Variants in SEMA5B observed in about 807,000 individuals in gnomAD.
SEMA5B encodes semaphorin-5B.
Under a neutral mutation model 135.0 loss-of-function variants are expected in SEMA5B, and 66 were observed. The observed-to-expected ratio is 0.49, with a 90% CI of 0.40 to 0.60. The LOEUF (loss-of-function observed/expected upper bound fraction) is 0.60, where lower values mean the gene tolerates loss of function less well. Ranked by LOEUF, SEMA5B falls within the 20% of genes least tolerant of loss-of-function variation. The pLI is 0.00. For missense variants in SEMA5B, 1,501 were observed against 1,566.3 expected (o/e 0.96, Z 0.70); for synonymous variants, 690 against 639.5 (o/e 1.08, Z -1.19).
At chr3:123,026,469 G>A (rs951548749) in intron 1 of SEMA5B, among the ~76,000 whole-genome samples, 4 of 152,054 alleles carry the variant, frequency 2.6e-5, no homozygotes, top group Non-Finnish European at 5.9e-5. Flanking sequence ...CGGGGAGGAG[G>A]GGGCCAGAAC....
chr3:122,974,446 C>T (rs1941241155), intron 1 of SEMA5B, among the ~76,000 whole-genome samples: 1 of 152,260 alleles, frequency 6.6e-6, no homozygotes, highest in African/African-American at 2.4e-5. Flanking sequence ...AGCTTCTTTG[C>T]AGGTGCAATG....
intron 1 of SEMA5B, among the ~76,000 whole-genome samples, chr3:122,981,411 T>C (rs188338881): frequency 1.4e-3 from 214 of 152,340 alleles, no homozygotes; most frequent in Non-Finnish European, 2.3e-3. Context: ...TTGGTTCATG[T>C]GTGGCCAGGC....
At chr3:122,953,943 C>A (rs1362811277) in intron 2 of SEMA5B, among the ~76,000 whole-genome samples, 3 of 152,228 alleles carry the variant, frequency 2.0e-5, no homozygotes, top group Non-Finnish European at 4.4e-5. Flanking sequence ...TCAAAACAGA[C>A]AATTCAGGTC....
rs749155095 is a variant in SEMA5B, at chr3:122,913,827, G to C, written c.2132+31C>G. 4 of 1,580,286 alleles carry C rather than the reference G, an allele frequency of 2.5e-6. No individual in the cohort carries two copies. The South Asian group carries it at 3.5e-5, about 14-fold the overall frequency. Reference sequence around the variant, plus strand: ...ACTTTCTGGGGGGCCCGGTTAGTCTGGGACCTCAGAGCAAGCCTGTTCTCC... The same window carrying C: ...ACTTTCTGGGGGGCCCGGTTAGTCTCGGACCTCAGAGCAAGCCTGTTCTCC... On this transcript the variant is annotated intron_variant, in intron 15 of 22. Transcript: ENST00000357599.
chr3:122,952,121 C>A lies in SEMA5B; in HGVS notation c.125-3412G>T, dbSNP rs55633552. 9.3e-3 allele frequency among the ~76,000 whole-genome samples: 1,421 copies of A among 152,296 alleles called. 23 individuals are homozygous for A. Among genetic ancestry groups the A allele is most frequent in the African/African-American group, 0.032 (1,347 of 41,542 alleles). On this transcript the variant is annotated intron_variant, in intron 2 of 22. Coordinates refer to ENST00000357599, the MANE Select transcript of SEMA5B (RefSeq NM_001031702.4). ...CAGGCTCAAACTCGTTCATACTTTG[C>A]TCCTCCCCAGAAGGGCCTAACCATT...
intron 1 of SEMA5B, among the ~76,000 whole-genome samples, chr3:123,006,433 A>G (rs1019253804): frequency 7.9e-5 from 12 of 152,242 alleles, no homozygotes; most frequent in Non-Finnish European, 1.5e-4. Context: ...CTCCAATTAG[A>G]AAAGGATGTT....
At chr3:122,965,563 T>C (rs903825288) in intron 1 of SEMA5B, among the ~76,000 whole-genome samples, 9 of 152,200 alleles carry the variant, frequency 5.9e-5, no homozygotes, top group Non-Finnish European at 1.5e-5. Flanking sequence ...GGCAACAGAA[T>C]ACCTTGATGC....
intron 4 of SEMA5B, among the ~76,000 whole-genome samples, chr3:122,941,648 G>A (rs531116411): frequency 8.5e-5 from 13 of 152,308 alleles, no homozygotes; most frequent in East Asian, 3.9e-4. Context: ...GCACATGGCC[G>A]GTGCGGAATA....
At position 122,913,994 on chromosome 3, in the gene SEMA5B, C is replaced by A. The variant is rs774913829; in HGVS notation, c.1996G>T (p.Ala666Ser). 6 of 1,591,206 alleles carry A rather than the reference C, an allele frequency of 3.8e-6. No individual in the cohort carries two copies. The highest frequency in any genetic ancestry group is 5.1e-6 in the Non-Finnish European group (6 of 1,168,576). ...GCCCACGATGACCACGGGGTCCACG[C>A]CCCATTCCTGGCGGGGTGGGAGGGG... The part of the protein sequence containing the change: ...IHIANCSRNG[A>S]WTPWSSWALC... The change falls in exon 15 of 23, where the codon GCG becomes TCG. Residue 666 changes from alanine (A) to serine (S), a missense_variant. Ala to Ser is a moderately conservative substitution (Grantham distance 99). Coordinates refer to ENST00000357599, the MANE Select transcript of SEMA5B (RefSeq NM_001031702.4).
intron 1 of SEMA5B, among the ~76,000 whole-genome samples, chr3:122,986,973 G>A (rs1941720040): frequency 6.6e-6 from 1 of 152,148 alleles, no homozygotes; most frequent in African/African-American, 2.4e-5. Context: ...AGAACAGAGA[G>A]GTGGGGGAAG....
chr3:123,009,814 G>A (rs1346794538), intron 1 of SEMA5B, among the ~76,000 whole-genome samples: 2 of 152,192 alleles, frequency 1.3e-5, no homozygotes, highest in African/African-American at 4.8e-5. Flanking sequence ...CATGGCTTTA[G>A]CTCTCTCTTT....
chr3:123,004,256 G>C (rs1203707174), intron 1 of SEMA5B, among the ~76,000 whole-genome samples: 1 of 152,240 alleles, frequency 6.6e-6, no homozygotes, highest in African/African-American at 2.4e-5. Flanking sequence ...CAAATTAAAA[G>C]TGAAGAAAAA....
At chr3:122,923,289 A>G (rs1185120419) in intron 10 of SEMA5B, among the ~76,000 whole-genome samples, 9 of 152,180 alleles carry the variant, frequency 5.9e-5, no homozygotes, top group Admixed American at 5.2e-4. Context: ...AACATTCCCA[A>G]ATTCCAGCCA....
chr3:123,027,160 C>A (rs1237106543), intron 1 of SEMA5B: 2 of 153,338 alleles, frequency 1.3e-5, no homozygotes, highest in African/African-American at 2.4e-5. Context: ...GGTCCCGGGT[C>A]CCCATCGCCG....
At chr3:123,017,634 G>T (rs568255601) in intron 1 of SEMA5B, among the ~76,000 whole-genome samples, 1 of 152,230 alleles carries the variant, frequency 6.6e-6, no homozygotes, top group African/African-American at 2.4e-5. Flanking sequence ...TTGGCCAGGC[G>T]CAGTGGCTCA....
At chr3:122,925,395 G>T (rs527814579) in intron 9 of SEMA5B, among the ~76,000 whole-genome samples, 10 of 152,072 alleles carry the variant, frequency 6.6e-5, no homozygotes, top group African/African-American at 2.4e-4. Context: ...CCAGCTGGGC[G>T]TGGTGGCTCA....
Position 122,948,611 on chromosome 3 carries a change from T to G in SEMA5B, c.223A>C (p.Thr75Pro), listed in dbSNP as rs1461441814. 3 of 1,613,816 alleles carry G rather than the reference T, an allele frequency of 1.9e-6. No homozygotes were observed. In the Admixed American group the frequency reaches 5.0e-5, roughly 27 times the overall value. The change falls in exon 3 of 23, where the codon ACA becomes CCA. Residue 75 changes from threonine (T) to proline (P), a missense_variant. Thr to Pro is a conservative substitution (Grantham distance 38, BLOSUM62 -1). Coordinates refer to ENST00000357599, the MANE Select transcript of SEMA5B (RefSeq NM_001031702.4). ...CTGGAGAGGTGGGACACCAGCAGTGTGAGGCTGGGCAGCAACAGCGAGACA... is the reference window on the plus strand; with the variant it reads ...CTGGAGAGGTGGGACACCAGCAGTGGGAGGCTGGGCAGCAACAGCGAGACA... ...LAVSLLLPSL[T>P]LLVSHLSSSQ...
intron 1 of SEMA5B, among the ~76,000 whole-genome samples, chr3:122,978,240 C>A (rs779994671): frequency 6.6e-6 from 1 of 152,242 alleles, no homozygotes; most frequent in African/African-American, 2.4e-5. Flanking sequence ...CCATGCGAGT[C>A]GGTGGGTGGA....
chr3:122,990,387 C>T (rs1398146412), intron 1 of SEMA5B, among the ~76,000 whole-genome samples: 7 of 152,108 alleles, frequency 4.6e-5, no homozygotes, highest in Non-Finnish European at 7.4e-5. Context: ...CATGTTGAGA[C>T]CCAGACTCAT....
Sources: allele counts gnomAD v4.1 joint callset (sites outside exome capture counted in the v4.1 genomes callset), GRCh38; gene constraint gnomAD v4.1.1; transcripts MANE v1.5; gene names NCBI Gene and HGNC (gene_info 2026-07-23, HGNC 2026-07-21).